IGSF10: variants seen among roughly 807,000 people sequenced by gnomAD.
IGSF10 encodes the protein calvaria mechanical force protein 608.
Under a neutral mutation model 128.2 loss-of-function variants are expected in IGSF10, and 126 were observed. That is an observed-to-expected ratio of 0.98 (90% CI 0.85 to 1.14). The LOEUF (loss-of-function observed/expected upper bound fraction) is 1.14, where lower values mean the gene tolerates loss of function less well. Ranked by LOEUF, IGSF10 falls within the 50% of genes most tolerant of loss-of-function variation. The probability of loss-of-function intolerance (pLI) is 0.00; values close to 1 mark genes in which losing one functional copy is unlikely to be tolerated. For synonymous variants in IGSF10, 1,185 were observed against 1,146.2 expected, an observed-to-expected ratio of 1.03 and a Z score of -0.68; for missense variants, 3,295 against 3,149.8, an observed-to-expected ratio of 1.05 and a Z score of -1.10.
chr3:151,526,937 AAGG>A, the IGSF10 span, among the ~76,000 whole-genome samples: 3 of 152,144 alleles, frequency 2.0e-5, no homozygotes, highest in Admixed American at 1.3e-4. Context: ...TACATATGTG[AAGG>A]AGAAGTTCAT....
rs772260189 is a variant in IGSF10 at position 151,445,757 on chromosome 3, G to T, written c.4224C>A (p.Ile1408=). The T allele has an allele frequency of 6.2e-6, 10 of 1,614,108 alleles. No homozygotes were observed. Among genetic ancestry groups the T allele is most frequent in the East Asian group, 2.2e-5 (1 of 44,892 alleles). Residue 1408 remains isoleucine, a synonymous_variant, in exon 6 of 8, where the codon ATC becomes ATA. Transcript: ENST00000282466. ...GATTAAGAGTTCTTGAATGAAAACT[G>T]ATTGTGCTTGAAATCCCAGTTGTGT... ...PENTTGISST[I]SFHSRTLNLT...
the IGSF10 span, among the ~76,000 whole-genome samples, chr3:151,555,907 T>G: frequency 6.6e-6 from 1 of 152,282 alleles, no homozygotes; most frequent in South Asian, 2.1e-4. Flanking sequence ...GGGTTAGTAA[T>G]TACGCCTCTG....
chr3:151,440,526 C>T (rs1036369738), intron 7 of IGSF10: 2 of 456,426 alleles, frequency 4.4e-6, no homozygotes, highest in African/African-American at 2.0e-5. Context: ...AAGTAATTCC[C>T]TCACTATACA....
chr3:151,569,218 T>G, the IGSF10 span, among the ~76,000 whole-genome samples: 1 of 152,182 alleles, frequency 6.6e-6, no homozygotes, highest in South Asian at 2.1e-4. Flanking sequence ...ATTACAGGTA[T>G]GCGCTACCAC....
In IGSF10 at chr3:151,437,264, C is replaced by T. The variant is rs759180744; in HGVS notation, c.7297G>A (p.Val2433Ile). 1 of 1,614,194 alleles carries T rather than the reference C, an allele frequency of 6.2e-7. No homozygotes were observed. Among genetic ancestry groups the T allele is most frequent in the Non-Finnish European group, 8.5e-7 (1 of 1,180,024 alleles). ...GTCCCTGGTGCATAGGTAAGAATAA[C>T]TGGCTTCTGGCCAATTTCTAATATG... ...LVILEIGQKP[V>I]ILTYAPGTVK... The change falls in exon 8 of 8, where the codon GTT becomes ATT. Residue 2433 changes from valine (V) to isoleucine (I), a missense_variant. Coordinates refer to ENST00000282466, the MANE Select transcript of IGSF10 (RefSeq NM_178822.5).
chr3:151,458,107 A>T (rs1272338765), intron 3 of IGSF10, among the ~76,000 whole-genome samples: 1 of 151,394 alleles, frequency 6.6e-6, no homozygotes, highest in Non-Finnish European at 1.5e-5. Flanking sequence ...TATAAAAAGG[A>T]TACATATATA....
the IGSF10 span, among the ~76,000 whole-genome samples, chr3:151,599,054 T>C: frequency 6.6e-6 from 1 of 152,048 alleles, no homozygotes; most frequent in African/African-American, 2.4e-5. Context: ...TGATTCCATG[T>C]GGATAGGGTG....
Position 151,437,471 on chromosome 3 carries a change from T to A in IGSF10, c.7090A>T (p.Asn2364Tyr). The change falls in exon 8 of 8, where the codon AAC (asparagine) becomes TAC (tyrosine). Residue 2364 changes from asparagine to tyrosine, a missense_variant. Transcript: ENST00000282466. Reference protein sequence around the residue: ...STALNCSVDGNPPPEIIWILP... With the variant: ...STALNCSVDGYPPPEIIWILP... ...ATCCAGATTATTTCAGGTGGTGGGT[T>A]ACCATCAACAGAGCAATTCAATGCT... is the stretch of plus-strand genomic sequence containing the variant. 2 of 1,614,190 alleles carry A rather than the reference T, an allele frequency of 1.2e-6. No individual in the cohort carries two copies. Among genetic ancestry groups the A allele is most frequent in the Non-Finnish European group, 1.7e-6 (2 of 1,180,030 alleles).
At position 151,447,753 on chromosome 3, in the gene IGSF10, T is replaced by G. The variant is rs746843469; in HGVS notation, c.2228A>C (p.His743Pro). 1 of 1,614,124 alleles carries G rather than the reference T, an allele frequency of 6.2e-7. No individual in the cohort carries two copies. Among genetic ancestry groups the G allele is most frequent in the Non-Finnish European group, 8.5e-7 (1 of 1,180,006 alleles). ...THRRFRENRR[H>P]FPPSARRIDP... ...AATTCTCCTAGCAGAGGGAGGGAAATGCCTCCTATTCTCCCTAAAACGTCG... is the reference window on the plus strand; with the variant it reads ...AATTCTCCTAGCAGAGGGAGGGAAAGGCCTCCTATTCTCCCTAAAACGTCG... The change falls in exon 6 of 8, where the codon CAT becomes CCT. Residue 743 changes from histidine to proline, a missense_variant. Coordinates refer to ENST00000282466, the MANE Select transcript of IGSF10 (RefSeq NM_178822.5).
chr3:151,548,109 ATGT>A, the IGSF10 span, among the ~76,000 whole-genome samples: 4 of 152,158 alleles, frequency 2.6e-5, no homozygotes, highest in Non-Finnish European at 4.4e-5. Context: ...AGTGGAAGTG[ATGT>A]TGGGGTAATT....
At chr3:151,529,613 G>A in the IGSF10 span, among the ~76,000 whole-genome samples, 1 of 152,150 alleles carries the variant, frequency 6.6e-6, no homozygotes, top group Non-Finnish European at 1.5e-5. Flanking sequence ...TACAGCAGAG[G>A]GGTCTGACTG....
At chr3:151,463,084 T>C (rs890672618), upstream of IGSF10, among the ~76,000 whole-genome samples, 1 of 152,218 alleles carries the variant, frequency 6.6e-6, no homozygotes, top group African/African-American at 2.4e-5. Flanking sequence ...GCTTGTTACC[T>C]GGGGTCATTT....
the IGSF10 span, among the ~76,000 whole-genome samples, chr3:151,554,839 G>T: frequency 6.6e-6 from 1 of 152,144 alleles, no homozygotes; most frequent in South Asian, 2.1e-4. Flanking sequence ...TAATAAATAT[G>T]TTAGTGCCAT....
chr3:151,520,221 C>A, the IGSF10 span, among the ~76,000 whole-genome samples: 1 of 151,642 alleles, frequency 6.6e-6, no homozygotes, highest in Non-Finnish European at 1.5e-5. Context: ...TTTGTTTTGT[C>A]TTCATAATGG....
In IGSF10 at chr3:151,446,860, A is replaced by G; in HGVS notation, c.3121T>C (p.Ser1041Pro). Residue 1041 changes from serine (S) to proline (P), a missense_variant, in exon 6 of 8, where the codon TCA (serine) becomes CCA (proline). Coordinates refer to ENST00000282466, the MANE Select transcript of IGSF10 (RefSeq NM_178822.5). ...TTTTCAGAAGAACCTCTGGTTGTTG[A>G]CCTGAAAATGCTGTATCTATGCCGT... ...LRRHRYSIFR[S>P]TTRGSSEKST... The G allele has an allele frequency of 6.2e-7, 1 of 1,614,188 alleles. No homozygotes were observed. Among genetic ancestry groups the G allele is most frequent in the Middle Eastern group, 1.6e-4 (1 of 6,062 alleles).
At chr3:151,544,688 T>G in the IGSF10 span, among the ~76,000 whole-genome samples, 1 of 150,904 alleles carries the variant, frequency 6.6e-6, no homozygotes, top group Non-Finnish European at 1.5e-5. Flanking sequence ...TAAGATTTTC[T>G]CTCTTTTTTT....
the IGSF10 span, among the ~76,000 whole-genome samples, chr3:151,507,615 G>A: frequency 5.3e-5 from 8 of 152,142 alleles, no homozygotes; most frequent in East Asian, 1.6e-3. Context: ...TTCTTCACAC[G>A]ATGGCAGGAA....
At chr3:151,519,234 C>A in the IGSF10 span, among the ~76,000 whole-genome samples, 1 of 151,734 alleles carries the variant, frequency 6.6e-6, no homozygotes, top group Non-Finnish European at 1.5e-5. Flanking sequence ...TTTATGCCAG[C>A]CTTAGGTCTT....
the IGSF10 span, among the ~76,000 whole-genome samples, chr3:151,506,669 T>C: frequency 6.6e-6 from 1 of 152,122 alleles, no homozygotes; most frequent in Non-Finnish European, 1.5e-5. Flanking sequence ...GTTTGAACAA[T>C]ATGTGGGCCT....
Sources: gnomAD v4.1 joint callset for allele counts (sites outside exome capture counted in the v4.1 genomes callset) on GRCh38, gnomAD v4.1.1 for gene constraint, MANE v1.5 for transcripts, NCBI Gene and HGNC (gene_info 2026-07-23, HGNC 2026-07-21) for gene names.